MTHFD2L: variants seen among roughly 807,000 people sequenced by gnomAD.
The protein encoded by MTHFD2L is methylenetetrahydrofolate dehydrogenase (NADP+ dependent) 2 like, also known as bifunctional methylenetetrahydrofolate dehydrogenase/cyclohydrolase 2, mitochondrial.
MTHFD2L carries 29 observed loss-of-function variants against 34.9 expected under a neutral mutation model. The observed-to-expected ratio is 0.83, with a 90% CI of 0.62 to 1.13. The LOEUF is 1.13. MTHFD2L is among the 50% of genes most tolerant of loss of function. The pLI is 0.00. For missense variants in MTHFD2L, 481 were observed against 446.5 expected (o/e 1.08, Z -0.70); for synonymous variants, 167 against 155.7 (o/e 1.07, Z -0.54).
At chr4:74,215,865 A>T (rs927002776) in intron 5 of MTHFD2L, among the ~76,000 whole-genome samples, 9 of 151,624 alleles carry the variant, frequency 5.9e-5, no homozygotes, top group Non-Finnish European at 1.2e-4. Context: ...ACTGCATTTT[A>T]TATAATGGTG....
intron 7 of MTHFD2L, chr4:74,293,632 G>C: frequency 2.0e-6 from 1 of 494,236 alleles, no homozygotes; most frequent in Non-Finnish European, 2.6e-6. Context: ...TCAATGGCAA[G>C]CTACTAACTT....
upstream of MTHFD2L, among the ~76,000 whole-genome samples, chr4:74,119,785 A>G (rs1315680862): frequency 6.6e-6 from 1 of 152,144 alleles, no homozygotes; most frequent in Non-Finnish European, 1.5e-5. Context: ...TCCATCTCAA[A>G]AAAAAACAAA....
intron 6 of MTHFD2L, among the ~76,000 whole-genome samples, chr4:74,232,755 T>A (rs968568834): frequency 6.6e-6 from 1 of 152,206 alleles, no homozygotes; most frequent in Non-Finnish European, 1.5e-5. Flanking sequence ...AAACAATTCT[T>A]TTGCCTTGTA....
intron 5 of MTHFD2L, among the ~76,000 whole-genome samples, chr4:74,223,075 A>G (rs1325988754): frequency 1.3e-5 from 2 of 152,226 alleles, no homozygotes; most frequent in Non-Finnish European, 2.9e-5. Context: ...CAGCAATCCC[A>G]TTACTGGGTA....
At chr4:74,257,210 G>T (rs962808634) in intron 6 of MTHFD2L, among the ~76,000 whole-genome samples, 1 of 152,024 alleles carries the variant, frequency 6.6e-6, no homozygotes, top group African/African-American at 2.4e-5. Flanking sequence ...TATTTTGTAT[G>T]TGCTTGGCTA....
At chr4:74,139,712 C>A (rs538095363) in intron 1 of MTHFD2L, among the ~76,000 whole-genome samples, 2 of 152,234 alleles carry the variant, frequency 1.3e-5, no homozygotes, top group South Asian at 4.1e-4. Context: ...TATTTGAATT[C>A]TGGGATATTG....
intron 7 of MTHFD2L, chr4:74,293,383 T>C (rs1260578945): frequency 9.1e-6 from 2 of 220,918 alleles, no homozygotes; most frequent in Non-Finnish European, 1.5e-5. Flanking sequence ...TTTAATTTAA[T>C]GTAAAGGAAA....
chr4:74,207,037 A>G (rs1735452623), intron 5 of MTHFD2L, among the ~76,000 whole-genome samples: 1 of 152,212 alleles, frequency 6.6e-6, no homozygotes, highest in East Asian at 1.9e-4. Flanking sequence ...TGTTGGGACC[A>G]CAGGCACACA....
intron 1 of MTHFD2L, among the ~76,000 whole-genome samples, chr4:74,171,403 A>C (rs187487742): frequency 6.6e-6 from 1 of 152,356 alleles, no homozygotes; most frequent in Non-Finnish European, 1.5e-5. Context: ...AAGGAATGCA[A>C]AGTTGCAAAG....
upstream of MTHFD2L, among the ~76,000 whole-genome samples, chr4:74,123,965 T>A (rs1454623014): frequency 6.6e-6 from 1 of 152,120 alleles, no homozygotes; most frequent in Non-Finnish European, 1.5e-5. Context: ...GATGTAGACA[T>A]TTAGTTGCTA....
intron 7 of MTHFD2L, 25 bp downstream of exon 7, chr4:74,281,575 G>C: frequency 6.3e-7 from 1 of 1,576,558 alleles, no homozygotes; most frequent in South Asian, 1.2e-5. Context: ...TCTTTTGATA[G>C]GTGAAGAAGA....
chr4:74,136,074 A>G (rs188166163), intron 1 of MTHFD2L, among the ~76,000 whole-genome samples: 17 of 152,090 alleles, frequency 1.1e-4, no homozygotes, highest in Non-Finnish European at 2.1e-4. Flanking sequence ...AGACCAAGAT[A>G]AGAATGCCCA....
intron 6 of MTHFD2L, among the ~76,000 whole-genome samples, chr4:74,253,956 C>A (rs2110205483): frequency 6.6e-6 from 1 of 152,244 alleles, no homozygotes; most frequent in Non-Finnish European, 1.5e-5. Context: ...GCCTTGTGAA[C>A]CCAAATGCCA....
intron 5 of MTHFD2L, among the ~76,000 whole-genome samples, chr4:74,216,943 A>G (rs1737305728): frequency 6.6e-6 from 1 of 151,720 alleles, no homozygotes; most frequent in South Asian, 2.1e-4. Context: ...ATAGGTCTTG[A>G]TCACCCATGT....
At chr4:74,218,021 A>G (rs191695164) in intron 5 of MTHFD2L, among the ~76,000 whole-genome samples, 2 of 152,282 alleles carry the variant, frequency 1.3e-5, no homozygotes, top group East Asian at 1.9e-4. Context: ...ACCTCCTTCT[A>G]ACATGGAACC....
chr4:74,151,173 T>G (rs189219574), intron 1 of MTHFD2L, among the ~76,000 whole-genome samples: 1 of 152,266 alleles, frequency 6.6e-6, no homozygotes, highest in Non-Finnish European at 1.5e-5. Flanking sequence ...TTAATGGTAT[T>G]ATAAGACCAC....
intron 6 of MTHFD2L, among the ~76,000 whole-genome samples, chr4:74,269,793 G>T (rs990209707): frequency 6.6e-6 from 1 of 152,036 alleles, no homozygotes; most frequent in Non-Finnish European, 1.5e-5. Context: ...TTAGGTCCAG[G>T]CGGAAGACTT....
intron 7 of MTHFD2L, among the ~76,000 whole-genome samples, chr4:74,289,509 C>G (rs6820992): frequency 0.33 from 49,572 of 152,044 alleles, 10,133 homozygotes; most frequent in African/African-American, 0.59. Flanking sequence ...TATACTCTAA[C>G]GCAGTGGAAA....
At chr4:74,168,744 A>G (rs570742079) in intron 1 of MTHFD2L, among the ~76,000 whole-genome samples, 1 of 152,112 alleles carries the variant, frequency 6.6e-6, no homozygotes, top group Admixed American at 6.5e-5. Context: ...GAAAACAATC[A>G]CTCTGGCTGC....
Sources: gnomAD v4.1 joint callset for allele counts (sites outside exome capture counted in the v4.1 genomes callset) on GRCh38, gnomAD v4.1.1 for gene constraint, MANE v1.5 for transcripts, NCBI Gene and HGNC (gene_info 2026-07-23, HGNC 2026-07-21) for gene names.